Variants in PRELID2 observed in about 807,000 individuals in gnomAD.
PRELID2 encodes the protein PRELI domain-containing protein 2.
In PRELID2, 25 loss-of-function variants were observed where a neutral mutation model predicts 28.4. The ratio of observed to expected loss-of-function variants is 0.88; its 90% CI spans 0.64 to 1.23. PRELID2 has a LOEUF of 1.23. Among genes scored for constraint, PRELID2 ranks in the 50% most tolerant of loss-of-function variants. PRELID2 has a pLI of 0.00. For missense variants in PRELID2, 201 were observed against 214.4 expected (o/e 0.94, Z 0.39); for synonymous variants, 76 against 71.6 (o/e 1.06, Z -0.31).
chr5:145,578,241 T>C (rs1753078251), intron 1 of PRELID2, among the ~76,000 whole-genome samples: 1 of 152,102 alleles, frequency 6.6e-6, no homozygotes, highest in Non-Finnish European at 1.5e-5. Context: ...TGAGTACCTG[T>C]GAGGAAACAG....
chr5:145,653,613 C>G (rs1262200327), intron 1 of PRELID2, among the ~76,000 whole-genome samples: 3 of 152,232 alleles, frequency 2.0e-5, no homozygotes, highest in African/African-American at 7.2e-5. Context: ...AACCACTCAA[C>G]TACGTGAAAA....
chr5:145,339,666 G>GA, the PRELID2 span, among the ~76,000 whole-genome samples: 9 of 152,224 alleles, frequency 5.9e-5, no homozygotes, highest in South Asian at 2.1e-4. Flanking sequence ...TGCACTCTGA[G>GA]AAAAAATCCC....
intron 5 of PRELID2, 92 bp from the exon 6 acceptor site, chr5:145,765,092 G>T: frequency 1.2e-6 from 1 of 836,156 alleles, no homozygotes; most frequent in Non-Finnish European, 1.9e-6. Flanking sequence ...AAGAATCCAG[G>T]TCATGGCCAT....
chr5:145,245,704 T>C, the PRELID2 span, among the ~76,000 whole-genome samples: 26 of 152,000 alleles, frequency 1.7e-4, no homozygotes, highest in African/African-American at 6.0e-4. Context: ...GGAAGTTCAG[T>C]GGATTCAAGC....
At chr5:145,797,959 C>T (rs989703774) in intron 4 of PRELID2, among the ~76,000 whole-genome samples, 3 of 151,640 alleles carry the variant, frequency 2.0e-5, no homozygotes, top group African/African-American at 7.3e-5. Context: ...AAATAGACAA[C>T]TAAATGGATC....
chr5:145,272,729 G>C, the PRELID2 span, among the ~76,000 whole-genome samples: 7 of 152,044 alleles, frequency 4.6e-5, no homozygotes, highest in African/African-American at 1.7e-4. Context: ...TATTAATAAT[G>C]TTAGTACTCT....
At chr5:145,668,541 C>T (rs377746158) in intron 1 of PRELID2, among the ~76,000 whole-genome samples, 29 of 152,090 alleles carry the variant, frequency 1.9e-4, no homozygotes, top group East Asian at 1.7e-3. Context: ...AGTCCATCCT[C>T]GCTGATATAA....
chr5:145,506,434 T>C (rs1752412394), intron 1 of PRELID2, among the ~76,000 whole-genome samples: 1 of 152,176 alleles, frequency 6.6e-6, no homozygotes, highest in Non-Finnish European at 1.5e-5. Flanking sequence ...CTTCAGGCCA[T>C]AGGTCAGCTC....
the PRELID2 span, among the ~76,000 whole-genome samples, chr5:145,327,358 A>G: frequency 1.3e-5 from 2 of 152,042 alleles, no homozygotes; most frequent in Non-Finnish European, 2.9e-5. Flanking sequence ...TGACCACTTT[A>G]TTATTATATA....
the PRELID2 span, among the ~76,000 whole-genome samples, chr5:145,316,940 A>G: frequency 6.6e-6 from 1 of 152,140 alleles, no homozygotes; most frequent in African/African-American, 2.4e-5. Flanking sequence ...TGCTCTCACA[A>G]ATCATCACAG....
intron 5 of PRELID2, among the ~76,000 whole-genome samples, chr5:145,771,199 T>C (rs1466606336): frequency 6.6e-6 from 1 of 152,128 alleles, no homozygotes; most frequent in Admixed American, 6.5e-5. Context: ...CAAATAGTTA[T>C]CATTGTGTTA....
At chr5:145,282,384 G>A in the PRELID2 span, among the ~76,000 whole-genome samples, 1 of 152,132 alleles carries the variant, frequency 6.6e-6, no homozygotes, top group East Asian at 1.9e-4. Flanking sequence ...AATCTCCTGT[G>A]CTTATTATCA....
At chr5:145,817,756 G>A (rs1466214666) in intron 4 of PRELID2, 138 bp downstream of exon 4, 4 of 714,782 alleles carry the variant, frequency 5.6e-6, no homozygotes, top group Non-Finnish European at 7.9e-6. Context: ...TAATTACTGT[G>A]ATTAAAAAAT....
intron 1 of PRELID2, among the ~76,000 whole-genome samples, chr5:145,532,353 C>T (rs949622503): frequency 6.6e-6 from 1 of 151,984 alleles, no homozygotes; most frequent in African/African-American, 2.4e-5. Context: ...GTACAATTGA[C>T]ACAAAAATTG....
At chr5:145,806,073 TAG>T (rs1404399210) in intron 4 of PRELID2, among the ~76,000 whole-genome samples, 1 of 152,232 alleles carries the variant, frequency 6.6e-6, no homozygotes, top group African/African-American at 2.4e-5. Flanking sequence ...TACACTGCTG[TAG>T]ACTTTATAAA....
At chr5:145,761,307 C>T (rs1757463222) in intron 6 of PRELID2, among the ~76,000 whole-genome samples, 1 of 152,126 alleles carries the variant, frequency 6.6e-6, no homozygotes, top group African/African-American at 2.4e-5. Context: ...AACTAAATGC[C>T]TATATGTCTA....
chr5:145,261,594 A>T, the PRELID2 span, among the ~76,000 whole-genome samples: 6,473 of 152,234 alleles, frequency 0.043, 180 homozygotes, highest in Non-Finnish European at 0.062. Flanking sequence ...GAAAAATAAC[A>T]ATCACTGCAG....
At chr5:145,734,147 AC>A (rs1360780144) in intron 1 of PRELID2, among the ~76,000 whole-genome samples, 1 of 152,002 alleles carries the variant, frequency 6.6e-6, no homozygotes, top group Non-Finnish European at 1.5e-5. Context: ...ATGGAGTCTC[AC>A]TCTGTCACCC....
At chr5:145,301,641 T>G in the PRELID2 span, among the ~76,000 whole-genome samples, 3 of 152,220 alleles carry the variant, frequency 2.0e-5, no homozygotes, top group Admixed American at 2.0e-4. Flanking sequence ...TTCTTAGCTC[T>G]TATGTTTATA....
Sources: allele counts gnomAD v4.1 joint callset (sites outside exome capture counted in the v4.1 genomes callset), GRCh38; gene constraint gnomAD v4.1.1; transcripts MANE v1.5; gene names NCBI Gene and HGNC (gene_info 2026-07-23, HGNC 2026-07-21).